The following ATP10D variants were observed in gnomAD, a reference collection of about 807,000 sequenced individuals.
ATP10D encodes ATPase phospholipid transporting 10D (putative).
In ATP10D, 89 loss-of-function variants were observed where a neutral mutation model predicts 144.8. The observed-to-expected ratio is 0.61, with a 90% CI of 0.52 to 0.73. The LOEUF is 0.73. ATP10D is among the 30% of genes least tolerant of loss of function. The pLI, the probability that ATP10D is intolerant of heterozygous loss-of-function variation, is 0.00. For synonymous variants in ATP10D, 571 were observed against 615.1 expected (o/e 0.93, Z 1.06); for missense variants, 1,603 against 1,714.8 (o/e 0.93, Z 1.15).
At chr4:47,499,417 C>A (rs1414565260) in intron 1 of ATP10D, among the ~76,000 whole-genome samples, 2 of 152,124 alleles carry the variant, frequency 1.3e-5, no homozygotes, top group Non-Finnish European at 2.9e-5. Context: ...TTCCTGAAGA[C>A]CACTGGGGTC....
intron 3 of ATP10D, among the ~76,000 whole-genome samples, chr4:47,516,117 C>T (rs1716670590): frequency 6.6e-6 from 1 of 151,976 alleles, no homozygotes; most frequent in South Asian, 2.1e-4. Context: ...GTAATCCCAG[C>T]TACTCAGGAG....
At chr4:47,522,945 A>G in intron 3 of ATP10D, 67 bp from the exon 4 acceptor site, 1 of 1,310,542 alleles carries the variant, frequency 7.6e-7, no homozygotes, top group Non-Finnish European at 1.1e-6. Flanking sequence ...AAAATTTTTT[A>G]AAAAAAACAT....
chr4:47,489,310 G>A (rs1000957657), intron 1 of ATP10D, among the ~76,000 whole-genome samples: 1 of 151,798 alleles, frequency 6.6e-6, no homozygotes, highest in Non-Finnish European at 1.5e-5. Flanking sequence ...AGTAATATGA[G>A]AAAATATTCA....
At chr4:47,523,757 T>C (rs1173686474) in intron 4 of ATP10D, among the ~76,000 whole-genome samples, 3 of 152,244 alleles carry the variant, frequency 2.0e-5, no homozygotes, top group Non-Finnish European at 4.4e-5. Flanking sequence ...AAAATGATGG[T>C]ATCTACTCTA....
chr4:47,504,528 C>T (rs950921931), intron 1 of ATP10D, among the ~76,000 whole-genome samples: 4 of 152,084 alleles, frequency 2.6e-5, no homozygotes, highest in African/African-American at 9.7e-5. Flanking sequence ...GTGCTTCAGG[C>T]AGGGCTGGCT....
chr4:47,585,783 A>G (rs777155291), intron 21 of ATP10D, among the ~76,000 whole-genome samples: 17 of 152,282 alleles, frequency 1.1e-4, no homozygotes, highest in Middle Eastern at 3.4e-3. Context: ...CATTTAACAT[A>G]ATGACCTCTA....
intron 1 of ATP10D, among the ~76,000 whole-genome samples, chr4:47,506,463 A>G (rs1716024378): frequency 6.6e-6 from 1 of 152,206 alleles, no homozygotes; most frequent in Admixed American, 6.5e-5. Flanking sequence ...TTAGAACTTT[A>G]ATTACAGGTT....
intron 20 of ATP10D, among the ~76,000 whole-genome samples, chr4:47,580,927 G>A (rs913209462): frequency 6.6e-6 from 1 of 152,130 alleles, no homozygotes; most frequent in South Asian, 2.1e-4. Flanking sequence ...GCTGAGTGTA[G>A]TGGTGTGGAC....
intron 1 of ATP10D, among the ~76,000 whole-genome samples, chr4:47,502,440 A>G (rs190820449): frequency 2.6e-5 from 4 of 151,604 alleles, no homozygotes; most frequent in African/African-American, 9.7e-5. Flanking sequence ...ACTGCACTCC[A>G]GCCTGGGCGT....
At chr4:47,576,350 C>G (rs1455102325) in intron 18 of ATP10D, among the ~76,000 whole-genome samples, 4 of 152,052 alleles carry the variant, frequency 2.6e-5, no homozygotes, top group Non-Finnish European at 4.4e-5. Context: ...GGACATTGGT[C>G]TTAGATAGAG....
Position 47,569,141 on chromosome 4 carries a change from C to T in ATP10D, c.3158C>T (p.Ala1053Val). ...VRSHLQVMTL[A>V]IGDGANDVSM... ...AGCCATCTCCAGGTGATGACCCTTG[C>T]TATTGGTGAGTGAGGATGAATCTGA... The change falls in exon 16 of 23, where the codon GCT becomes GTT. Residue 1053 changes from alanine (A) to valine (V), a missense_variant. By Grantham distance (64) the Ala-to-Val change is moderately conservative. Coordinates refer to ENST00000273859, the MANE Select transcript of ATP10D (RefSeq NM_020453.4). 1 of 1,612,142 alleles carries T rather than the reference C, an allele frequency of 6.2e-7. No individual in the cohort carries two copies. The highest frequency in any genetic ancestry group is 8.5e-7 in the Non-Finnish European group (1 of 1,179,150).
At chr4:47,588,787 G>T (rs1041831517) in intron 22 of ATP10D, among the ~76,000 whole-genome samples, 3 of 152,148 alleles carry the variant, frequency 2.0e-5, no homozygotes, top group African/African-American at 7.2e-5. Flanking sequence ...CTGACAAGAT[G>T]AACTTACAGA....
At chr4:47,538,081 G>C (rs13133339) in intron 9 of ATP10D, among the ~76,000 whole-genome samples, 105,435 of 152,012 alleles carry the variant, frequency 0.69, 36,747 homozygotes, top group East Asian at 0.85. Context: ...TTCACACCCA[G>C]CCATAATGTA....
In ATP10D at chr4:47,548,765, T is replaced by A. The variant is rs139588341; in HGVS notation, c.1635+1903T>A. On this transcript the variant is annotated intron_variant, in intron 10 of 22. Transcript: ENST00000273859. ...ATATAGAATAACTAGGTTATGGTCT[T>A]CCTCAATGTATAAGATTATTTCTCA... is the stretch of plus-strand genomic sequence containing the variant. 8.0e-4 allele frequency among the ~76,000 whole-genome samples: 122 copies of A among 152,356 alleles called. 1 individual carries two copies. Among genetic ancestry groups the A allele is most frequent in the African/African-American group, 2.8e-3 (115 of 41,578 alleles).
At chr4:47,579,432 G>A (rs980867806) in intron 19 of ATP10D, among the ~76,000 whole-genome samples, 4 of 152,204 alleles carry the variant, frequency 2.6e-5, no homozygotes. Context: ...TCCTGATGGT[G>A]ATGAGATACT....
chr4:47,561,580 C>G (rs1719305322), intron 14 of ATP10D, among the ~76,000 whole-genome samples: 1 of 152,072 alleles, frequency 6.6e-6, no homozygotes, highest in African/African-American at 2.4e-5. Flanking sequence ...TTGCCTGGCT[C>G]CAAGCTTTTT....
Position 47,563,617 on chromosome 4 carries a change from T to C in ATP10D, c.2705T>C (p.Val902Ala). ...TGIEDRLQEGVPESIEALHKA... is the reference protein window; with the variant it reads ...TGIEDRLQEGAPESIEALHKA... ...ATTGAAGACCGTCTGCAGGAGGGAG[T>C]CCCTGAATCTATAGAAGCTCTTCAC... The change falls in exon 15 of 23, where the codon GTC becomes GCC. Residue 902 changes from valine (V) to alanine (A), a missense_variant. Physicochemically the swap from Val to Ala is moderately conservative, Grantham distance 64. Coordinates refer to ENST00000273859, the MANE Select transcript of ATP10D (RefSeq NM_020453.4). 6.2e-7 allele frequency: 1 copy of C among 1,612,766 alleles called. No homozygotes were observed. Among genetic ancestry groups the C allele is most frequent in the Non-Finnish European group, 8.5e-7 (1 of 1,179,604 alleles).
At chr4:47,504,296 T>C (rs985040420) in intron 1 of ATP10D, among the ~76,000 whole-genome samples, 2 of 152,172 alleles carry the variant, frequency 1.3e-5, no homozygotes, top group African/African-American at 2.4e-5. Context: ...TTTTTGTAGA[T>C]AGAGGATAGT....
chr4:47,537,020 C>A, intron 9 of ATP10D, 82 bp downstream of exon 9: 1 of 1,473,222 alleles, frequency 6.8e-7, no homozygotes, highest in Non-Finnish European at 9.1e-7. Flanking sequence ...TCTGACAATT[C>A]TGACATAGAA....
Sources: allele counts gnomAD v4.1 joint callset (sites outside exome capture counted in the v4.1 genomes callset), GRCh38; gene constraint gnomAD v4.1.1; transcripts MANE v1.5; gene names NCBI Gene and HGNC (gene_info 2026-07-23, HGNC 2026-07-21).